SLC14A2: variants seen among roughly 807,000 people sequenced by gnomAD.
SLC14A2 encodes solute carrier family 14 member 2.
A neutral mutation model predicts 104.6 loss-of-function variants in SLC14A2; 91 were observed. The ratio of observed to expected loss-of-function variants is 0.87; its 90% CI spans 0.73 to 1.04. The LOEUF is 1.04. Among genes scored for constraint, SLC14A2 ranks in the 50% least tolerant of loss-of-function variants. SLC14A2 has a pLI of 0.00. For synonymous variants in SLC14A2, 476 were observed against 466.4 expected (o/e 1.02, Z -0.27); for missense variants, 1,189 against 1,156.0 (o/e 1.03, Z -0.41).
At chr18:45,493,532 T>C (rs1241007322) in intron 2 of SLC14A2, among the ~76,000 whole-genome samples, 1 of 152,246 alleles carries the variant, frequency 6.6e-6, no homozygotes, top group Non-Finnish European at 1.5e-5. Flanking sequence ...GAGTGTTTTA[T>C]GTATATTAAT....
chr18:45,610,928 T>G (rs186229701), upstream of SLC14A2, among the ~76,000 whole-genome samples: 1 of 152,336 alleles, frequency 6.6e-6, no homozygotes, highest in African/African-American at 2.4e-5. Flanking sequence ...AAATGTGTGC[T>G]GAAAGCCAGT....
chr18:45,260,939 C>T (rs752689115), intron 1 of SLC14A2, among the ~76,000 whole-genome samples: 46 of 152,122 alleles, frequency 3.0e-4, no homozygotes, highest in African/African-American at 1.1e-3. Context: ...ACCTCAGCAT[C>T]GTGCAATATA....
At chr18:45,446,173 G>T (rs183708741) in intron 1 of SLC14A2, among the ~76,000 whole-genome samples, 8 of 152,318 alleles carry the variant, frequency 5.3e-5, no homozygotes, top group Admixed American at 3.9e-4. Flanking sequence ...TGTGATTATT[G>T]TTAATATAAT....
chr18:45,450,336 G>A (rs1466425952), intron 1 of SLC14A2, among the ~76,000 whole-genome samples: 1 of 152,182 alleles, frequency 6.6e-6, no homozygotes, highest in Non-Finnish European at 1.5e-5. Context: ...GGCTTCTAAA[G>A]GGAAGGGGCC....
chr18:45,180,835 A>G, the SLC14A2 span, among the ~76,000 whole-genome samples: 1 of 152,228 alleles, frequency 6.6e-6, no homozygotes, highest in Non-Finnish European at 1.5e-5. Flanking sequence ...ATCAAACAAT[A>G]TATTTTGCAT....
Position 45,287,890 on chromosome 18 carries a change from A to G in SLC14A2, c.-125+74699A>G, listed in dbSNP as rs56201158. Among the ~76,000 whole-genome samples, 1,228 of 152,268 alleles carry G rather than the reference A, an allele frequency of 8.1e-3. 17 individuals carry two copies. Among genetic ancestry groups the G allele is most frequent in the African/African-American group, 0.028 (1,158 of 41,564 alleles). ...AGGACCTACACTAGCACAGCCAGCC[A>G]TGGCCATCCTTGACCCCAGAGGATA... is the stretch of plus-strand genomic sequence containing the variant. On this transcript the variant is annotated intron_variant, in intron 1 of 20. Transcript: ENST00000586448.
chr18:45,676,417 C>G (rs1017347928), intron 18 of SLC14A2, among the ~76,000 whole-genome samples: 3 of 152,334 alleles, frequency 2.0e-5, no homozygotes, highest in Admixed American at 2.0e-4. Context: ...CAGGATATCC[C>G]TGGCTACCAA....
chr18:45,302,443 A>G (rs764864625), intron 1 of SLC14A2, among the ~76,000 whole-genome samples: 3 of 152,212 alleles, frequency 2.0e-5, no homozygotes, highest in Non-Finnish European at 4.4e-5. Flanking sequence ...GAGGGAAAAT[A>G]ACTTTGTCCA....
At chr18:45,237,558 A>T (rs1363176186) in intron 1 of SLC14A2, among the ~76,000 whole-genome samples, 3 of 152,140 alleles carry the variant, frequency 2.0e-5, no homozygotes, top group Non-Finnish European at 4.4e-5. Context: ...GTGACCTTGG[A>T]GTGGTGGCGA....
At chr18:45,520,496 C>T (rs536012757) in intron 2 of SLC14A2, among the ~76,000 whole-genome samples, 1 of 152,264 alleles carries the variant, frequency 6.6e-6, no homozygotes, top group Admixed American at 6.5e-5. Flanking sequence ...TAAATAAATA[C>T]CTTTTGAATG....
Position 45,536,261 on chromosome 18 carries a change from G to A in SLC14A2, c.-35+52939G>A, listed in dbSNP as rs115887362. On this transcript the variant is annotated intron_variant, in intron 2 of 20. Coordinates refer to the SLC14A2 transcript ENST00000586448. Reference sequence around the variant, plus strand: ...GGGCTTGAACAAGAAAGCATAAAATGTGTATTAATTTCCCAGTACCTGGGT... The same window carrying A: ...GGGCTTGAACAAGAAAGCATAAAATATGTATTAATTTCCCAGTACCTGGGT... 9.0e-3 allele frequency among the ~76,000 whole-genome samples: 1,378 copies of A among 152,320 alleles called. 19 individuals carry two copies. The highest frequency in any genetic ancestry group is 0.031 in the African/African-American group (1,305 of 41,564).
chr18:45,583,723 T>C (rs1457915226), intron 2 of SLC14A2, among the ~76,000 whole-genome samples: 1 of 152,140 alleles, frequency 6.6e-6, no homozygotes, highest in Non-Finnish European at 1.5e-5. Context: ...TCAGGAGTGA[T>C]GTGCTGGTAA....
chr18:45,257,862 G>T (rs1020996990), intron 1 of SLC14A2, among the ~76,000 whole-genome samples: 1 of 152,118 alleles, frequency 6.6e-6, no homozygotes, highest in African/African-American at 2.4e-5. Context: ...TCATGTAAAA[G>T]GTGGCAATTA....
intron 1 of SLC14A2, among the ~76,000 whole-genome samples, chr18:45,239,968 A>G (rs2084295077): frequency 6.6e-6 from 1 of 152,138 alleles, no homozygotes; most frequent in South Asian, 2.1e-4. Flanking sequence ...TTATGGCTGA[A>G]TAATGTTTAA....
At chr18:45,173,793 GGT>G in the SLC14A2 span, among the ~76,000 whole-genome samples, 17 of 152,094 alleles carry the variant, frequency 1.1e-4, no homozygotes, top group Non-Finnish European at 2.1e-4. Context: ...ACCTGGCTGT[GGT>G]ACTACAGAGA....
At chr18:45,255,454 T>C (rs2084467278) in intron 1 of SLC14A2, among the ~76,000 whole-genome samples, 1 of 152,204 alleles carries the variant, frequency 6.6e-6, no homozygotes, top group African/African-American at 2.4e-5. Context: ...CGGGGCTCCA[T>C]TGTCCAGCAT....
the SLC14A2 span, among the ~76,000 whole-genome samples, chr18:45,204,139 C>A: frequency 1.3e-5 from 2 of 152,136 alleles, no homozygotes; most frequent in Non-Finnish European, 2.9e-5. Context: ...TAATTACTTG[C>A]ACATTATTCC....
chr18:45,472,703 G>A (rs756892997), intron 1 of SLC14A2, among the ~76,000 whole-genome samples: 41 of 152,114 alleles, frequency 2.7e-4, no homozygotes, highest in Non-Finnish European at 5.0e-4. Context: ...CATATCCTTC[G>A]CCCATTTTTT....
chr18:45,480,264 A>G (rs996722077), intron 1 of SLC14A2, among the ~76,000 whole-genome samples: 1 of 152,224 alleles, frequency 6.6e-6, no homozygotes, highest in African/African-American at 2.4e-5. Context: ...AATCCCAGAC[A>G]AGATTCTTCA....
Sources: allele counts gnomAD v4.1 joint callset (sites outside exome capture counted in the v4.1 genomes callset), GRCh38; gene constraint gnomAD v4.1.1; transcripts MANE v1.5; gene names NCBI Gene and HGNC (gene_info 2026-07-23, HGNC 2026-07-21).